Variants in ABCB11 observed in about 807,000 individuals in gnomAD.
The protein encoded by ABCB11 is ATP binding cassette subfamily B member 11.
Under a neutral mutation model 148.0 loss-of-function variants are expected in ABCB11, and 95 were observed. The ratio of observed to expected loss-of-function variants is 0.64; its 90% CI spans 0.54 to 0.76. The LOEUF is 0.76. ABCB11 is among the 30% of genes least tolerant of loss of function. The pLI is 0.00. For synonymous variants in ABCB11, 591 were observed against 555.4 expected, an observed-to-expected ratio of 1.06 and a Z score of -0.90; for missense variants, 1,523 against 1,617.8, an observed-to-expected ratio of 0.94 and a Z score of 1.01.
intron 1 of ABCB11, among the ~76,000 whole-genome samples, chr2:169,021,051 C>T (rs1339700072): frequency 2.0e-5 from 3 of 151,980 alleles, no homozygotes; most frequent in African/African-American, 7.3e-5. Context: ...CAACCTCCAC[C>T]TCTTGGGTTC....
At chr2:168,958,253 T>C in intron 18 of ABCB11, 125 bp from the exon 19 acceptor site, 1 of 815,642 alleles carries the variant, frequency 1.2e-6, no homozygotes, top group Admixed American at 2.5e-5. Flanking sequence ...CAAATGTCTA[T>C]GGGATATGGT....
chr2:168,958,188 A>G, intron 18 of ABCB11, 60 bp from the exon 19 acceptor site: 1 of 1,506,482 alleles, frequency 6.6e-7, no homozygotes, highest in Non-Finnish European at 9.1e-7. Flanking sequence ...TTTGCAGCAG[A>G]TCCTTTGGCA....
At chr2:168,982,118 G>A (rs1224801373) in intron 10 of ABCB11, among the ~76,000 whole-genome samples, 2 of 152,142 alleles carry the variant, frequency 1.3e-5, no homozygotes, top group South Asian at 2.1e-4. Flanking sequence ...CAGAAGTAGT[G>A]TAGACAGAGA....
chr2:168,949,224 T>G (rs1186443388), intron 19 of ABCB11, among the ~76,000 whole-genome samples: 1 of 151,606 alleles, frequency 6.6e-6, no homozygotes, highest in African/African-American at 2.4e-5. Flanking sequence ...TTTTAAAATT[T>G]TTGTATATTT....
intron 5 of ABCB11, among the ~76,000 whole-genome samples, chr2:169,006,602 G>A (rs1408251527): frequency 6.6e-6 from 1 of 151,926 alleles, no homozygotes; most frequent in Non-Finnish European, 1.5e-5. Flanking sequence ...CAGCTAGATT[G>A]GAAAGGAAAA....
chr2:168,951,462 C>T (rs533655266), intron 19 of ABCB11, among the ~76,000 whole-genome samples: 51 of 151,492 alleles, frequency 3.4e-4, no homozygotes, highest in South Asian at 1.0e-3. Context: ...TTAGGGAGAT[C>T]TTTCACCTCT....
At chr2:168,927,563 C>T (rs1691373300) in intron 25 of ABCB11, among the ~76,000 whole-genome samples, 1 of 152,180 alleles carries the variant, frequency 6.6e-6, no homozygotes. Context: ...CATGTTAACA[C>T]TAATCAGACT....
At chr2:168,945,214 GGT>G (rs1020661879) in intron 19 of ABCB11, among the ~76,000 whole-genome samples, 2 of 151,644 alleles carry the variant, frequency 1.3e-5, no homozygotes, top group African/African-American at 4.8e-5. Flanking sequence ...ATGCGTGTAG[GGT>G]GGTAGGGGGT....
chr2:168,939,727 T>C (rs966063269), intron 21 of ABCB11, among the ~76,000 whole-genome samples: 2 of 152,116 alleles, frequency 1.3e-5, no homozygotes, highest in Admixed American at 1.3e-4. Context: ...ATTTTTTGCT[T>C]AGCAGATATT....
In ABCB11 at chr2:169,016,722, GA is replaced by G; in HGVS notation, c.98+55del. 8 of 1,453,956 alleles carry G rather than the reference GA, an allele frequency of 5.5e-6. No individual in the cohort carries two copies. The South Asian group carries it at 9.5e-5, about 17-fold the overall frequency. 90.1% of individuals were successfully genotyped at this position (1,453,956 alleles called of 1,614,324 possible). A position where few individuals can be genotyped will look rare whatever the true frequency, so the allele number is the denominator to read the frequency against. ...ATTCTCTGCTTTGTGCCTTTGATAT[GA>G]ATATTATGGAGTTATTCTAGAAAAG... On this transcript the variant is annotated intron_variant, in intron 3 of 27. Coordinates refer to ENST00000650372, the MANE Select transcript of ABCB11 (RefSeq NM_003742.4).
exon 3 of ABCB11, among the ~76,000 whole-genome samples, chr2:168,915,580 G>C (rs1690925937): frequency 6.6e-6 from 1 of 152,200 alleles, no homozygotes; most frequent in East Asian, 1.9e-4. Context: ...GGCAACCCAG[G>C]CTGAAGTAGC....
At position 168,921,186 on chromosome 2, in the gene ABCB11, C is replaced by A. The variant is rs1318684354; in HGVS notation, c.*2436G>T. Among the ~76,000 whole-genome samples, 2 of 152,212 alleles carry A rather than the reference C, an allele frequency of 1.3e-5. No homozygotes were observed. Among genetic ancestry groups the A allele is most frequent in the Non-Finnish European group, 2.9e-5 (2 of 68,042 alleles). On this transcript the variant is annotated 3_prime_UTR_variant, in exon 28 of 28. Coordinates refer to ENST00000650372, the MANE Select transcript of ABCB11 (RefSeq NM_003742.4). ...CCAGAATGCATTCCTTCACCGTCTGCCTCCTGACTTGGCAACCATCAAGAA... is the reference window on the plus strand; with the variant it reads ...CCAGAATGCATTCCTTCACCGTCTGACTCCTGACTTGGCAACCATCAAGAA...
intron 1 of ABCB11, among the ~76,000 whole-genome samples, chr2:169,022,144 T>A (rs1017811412): frequency 2.0e-5 from 3 of 151,914 alleles, no homozygotes; most frequent in Admixed American, 2.0e-4. Context: ...AAAAGATACT[T>A]CAAGATTTAT....
intron 15 of ABCB11, 94 bp downstream of exon 15, chr2:168,969,951 T>TGCCCA: frequency 4.3e-6 from 3 of 705,476 alleles, no homozygotes; most frequent in Non-Finnish European, 5.0e-6. Context: ...TATCAACTAC[T>TGCCCA]CCCATCCCTC....
rs142508262 is a variant in ABCB11, at chr2:169,006,581, A to T, written c.389+6691T>A. 2.2e-3 allele frequency among the ~76,000 whole-genome samples: 330 copies of T among 150,208 alleles called. 1 individual carries two copies. Among genetic ancestry groups the T allele is most frequent in the Non-Finnish European group, 3.7e-3 (250 of 67,972 alleles). On this transcript the variant is annotated intron_variant, in intron 5 of 27. Coordinates refer to ENST00000650372, the MANE Select transcript of ABCB11 (RefSeq NM_003742.4). ...GATAAAATAAAATAAAATAAAATAA[A>T]ATAAAAAAGGCAGCTAGATTGGAAA...
At chr2:168,955,267 G>A (rs959081080) in intron 19 of ABCB11, among the ~76,000 whole-genome samples, 1 of 151,264 alleles carries the variant, frequency 6.6e-6, no homozygotes, top group Non-Finnish European at 1.5e-5. Flanking sequence ...TTTTTCATTG[G>A]TATCTCTATT....
intron 10 of ABCB11, among the ~76,000 whole-genome samples, chr2:168,981,924 T>C (rs892277716): frequency 1.3e-5 from 2 of 152,204 alleles, no homozygotes; most frequent in African/African-American, 4.8e-5. Flanking sequence ...CATAGTTTGC[T>C]GACTCCTGGC....
At chr2:168,979,717 T>C (rs1694068424) in intron 11 of ABCB11, 149 bp downstream of exon 11, 1 of 325,758 alleles carries the variant, frequency 3.1e-6, no homozygotes, top group Non-Finnish European at 5.7e-6. Flanking sequence ...CACCAGCACA[T>C]GATAGCATTT....
At chr2:168,957,746 C>T (rs913875851) in intron 19 of ABCB11, among the ~76,000 whole-genome samples, 1 of 151,564 alleles carries the variant, frequency 6.6e-6, no homozygotes, top group African/African-American at 2.4e-5. Context: ...TTTATAGGTA[C>T]AATGACTGTC....
Sources: gnomAD v4.1 joint callset for allele counts (sites outside exome capture counted in the v4.1 genomes callset) on GRCh38, gnomAD v4.1.1 for gene constraint, MANE v1.5 for transcripts, NCBI Gene and HGNC (gene_info 2026-07-23, HGNC 2026-07-21) for gene names.